The following ASIC5 variants were observed in gnomAD, a reference collection of about 807,000 sequenced individuals.
ASIC5 encodes acid sensing ion channel subunit family member 5.
In ASIC5, 52 loss-of-function variants were observed where a neutral mutation model predicts 51.2. That is an observed-to-expected ratio of 1.02 (90% CI 0.81 to 1.28). The LOEUF (loss-of-function observed/expected upper bound fraction) is 1.28, where lower values mean the gene tolerates loss of function less well. Ranked by LOEUF, ASIC5 falls within the 50% of genes most tolerant of loss-of-function variation. ASIC5 has a pLI of 0.00. For missense variants in ASIC5, 635 were observed against 595.0 expected, an observed-to-expected ratio of 1.07 and a Z score of -0.70; for synonymous variants, 231 against 200.7, an observed-to-expected ratio of 1.15 and a Z score of -1.28.
chr4:155,834,898 C>G (rs1323070305), intron 8 of ASIC5, among the ~76,000 whole-genome samples: 3 of 152,040 alleles, frequency 2.0e-5, no homozygotes, highest in Admixed American at 6.5e-5. Context: ...CCAAGGGGAG[C>G]TCGGCCGGGG....
At chr4:155,858,993 T>G (rs1269201630) in intron 2 of ASIC5, 2 of 152,024 alleles carry the variant, frequency 1.3e-5, no homozygotes, top group African/African-American at 4.8e-5. Flanking sequence ...CAGTACAACT[T>G]CATTTTACAG....
At chr4:155,855,949 C>T (rs1309015167) in intron 2 of ASIC5, among the ~76,000 whole-genome samples, 2 of 152,052 alleles carry the variant, frequency 1.3e-5, no homozygotes, top group East Asian at 3.9e-4. Context: ...GATTGAGATT[C>T]TGACACCTTT....
chr4:155,859,132 G>T (rs149626987), intron 2 of ASIC5, among the ~76,000 whole-genome samples: 1 of 151,944 alleles, frequency 6.6e-6, no homozygotes, highest in Non-Finnish European at 1.5e-5. Context: ...TGTGTGTGAC[G>T]CAGTTCCCAA....
intron 2 of ASIC5, among the ~76,000 whole-genome samples, chr4:155,862,170 T>G (rs923880559): frequency 2.0e-5 from 3 of 152,198 alleles, no homozygotes; most frequent in African/African-American, 7.2e-5. Context: ...ACATGCTACT[T>G]AAAACAGTAT....
intron 2 of ASIC5, among the ~76,000 whole-genome samples, chr4:155,861,455 A>G (rs1030831771): frequency 6.6e-6 from 1 of 152,016 alleles, no homozygotes; most frequent in South Asian, 2.1e-4. Context: ...GGTAACATAT[A>G]TTACTTTAAA....
At chr4:155,857,914 T>A (rs2110753345) in intron 2 of ASIC5, among the ~76,000 whole-genome samples, 1 of 152,242 alleles carries the variant, frequency 6.6e-6, no homozygotes, top group South Asian at 2.1e-4. Context: ...TGGTTAAAAA[T>A]GCTTGAGCAA....
chr4:155,836,952 T>C, intron 7 of ASIC5, 95 bp from the exon 8 acceptor site: 1 of 935,786 alleles, frequency 1.1e-6, no homozygotes, highest in East Asian at 2.6e-5. Context: ...CTTTCAATAT[T>C]AAAAAAAGGT....
intron 4 of ASIC5, among the ~76,000 whole-genome samples, chr4:155,844,972 A>G (rs181234919): frequency 9.9e-4 from 151 of 152,180 alleles, no homozygotes; most frequent in Non-Finnish European, 1.7e-3. Flanking sequence ...AGCCCTGAAA[A>G]GCTAAGTCTG....
intron 4 of ASIC5, among the ~76,000 whole-genome samples, chr4:155,847,492 A>C (rs577756797): frequency 1.3e-5 from 2 of 152,142 alleles, no homozygotes; most frequent in East Asian, 1.9e-4. Flanking sequence ...GAGGCTGAGC[A>C]GGTGGATCAC....
intron 2 of ASIC5, among the ~76,000 whole-genome samples, chr4:155,859,752 C>A (rs998492922): frequency 2.6e-5 from 4 of 151,988 alleles, no homozygotes; most frequent in Non-Finnish European, 4.4e-5. Flanking sequence ...ATGTTTCCAT[C>A]CTCTTTTTAC....
chr4:155,836,582 C>T (rs2111228760), intron 8 of ASIC5, 107 bp downstream of exon 8: 1 of 650,008 alleles, frequency 1.5e-6, no homozygotes, highest in South Asian at 2.9e-5. Flanking sequence ...AAAGCCATTG[C>T]CTCCCTTGAT....
intron 9 of ASIC5, among the ~76,000 whole-genome samples, chr4:155,831,306 C>T (rs1041395692): frequency 6.6e-6 from 1 of 152,070 alleles, no homozygotes; most frequent in Non-Finnish European, 1.5e-5. Context: ...TGAAACACCA[C>T]CAGCCTTTTC....
At chr4:155,847,454 A>T (rs569329306) in intron 4 of ASIC5, among the ~76,000 whole-genome samples, 9 of 152,014 alleles carry the variant, frequency 5.9e-5, no homozygotes, top group Non-Finnish European at 1.3e-4. Context: ...AGGCACAGGA[A>T]TTCACACCTG....
At chr4:155,861,051 T>A (rs1741690602) in intron 2 of ASIC5, among the ~76,000 whole-genome samples, 1 of 151,988 alleles carries the variant, frequency 6.6e-6, no homozygotes, top group African/African-American at 2.4e-5. Flanking sequence ...TTTACATATT[T>A]GTGAATATCC....
intron 2 of ASIC5, among the ~76,000 whole-genome samples, chr4:155,861,446 G>A (rs1247312411): frequency 1.3e-5 from 2 of 151,822 alleles, no homozygotes; most frequent in East Asian, 3.9e-4. Context: ...TTTATATCAG[G>A]TAACATATAT....
Position 155,831,910 on chromosome 4 carries a change from T to A in ASIC5, c.1241A>T (p.Asn414Ile). The A allele has an allele frequency of 6.5e-7, 1 of 1,540,046 alleles. No individual in the cohort carries two copies. Among genetic ancestry groups the A allele is most frequent in the Non-Finnish European group, 9.0e-7 (1 of 1,115,792 alleles). The change falls in exon 9 of 10, where the codon AAT becomes ATT. Residue 414 changes from asparagine (N) to isoleucine (I), a missense_variant. Transcript: ENST00000537611. ...LNQSRKYIRE[N>I]LVKIEINYSD... ...ATAGTTAATTTCAATTTTTACAAGA[T>A]TCTCCCTAGGGATAAAAAAGAGAGT...
chr4:155,838,510 G>A, intron 7 of ASIC5, among the ~76,000 whole-genome samples: 1 of 152,164 alleles, frequency 6.6e-6, no homozygotes, highest in South Asian at 2.1e-4. Context: ...CTATTCTGTA[G>A]TATTTTAACT....
Position 155,851,197 on chromosome 4 carries a change from G to A in ASIC5, c.711+994C>T, listed in dbSNP as rs77423883. ...TGTAAAAATTGATAATATAATGTTCGAACTGACCATAGGGCTAATATTTGA... is the reference window on the plus strand; with the variant it reads ...TGTAAAAATTGATAATATAATGTTCAAACTGACCATAGGGCTAATATTTGA... On this transcript the variant is annotated intron_variant, in intron 4 of 9. Coordinates refer to ENST00000537611, the MANE Select transcript of ASIC5 (RefSeq NM_017419.3). Among the ~76,000 whole-genome samples the A allele has an allele frequency of 1.7e-3, 263 of 151,960 alleles. 2 individuals are homozygous for A. The highest frequency in any genetic ancestry group is 6.1e-3 in the African/African-American group (252 of 41,478).
rs139032666 is a variant in ASIC5, at chr4:155,854,531, C to G, written c.348-217G>C. ...TGTAGTTTCATTTACCTAGAATATT[C>G]CCCAGACCTTGATCTGGATGACACC... is the stretch of plus-strand genomic sequence containing the variant. On this transcript the variant is annotated intron_variant, in intron 2 of 9. Transcript: ENST00000537611. 1.6e-3 allele frequency among the ~76,000 whole-genome samples: 240 copies of G among 152,150 alleles called. 1 individual carries two copies. Among genetic ancestry groups the G allele is most frequent in the African/African-American group, 4.5e-3 (188 of 41,540 alleles).
Sources: gnomAD v4.1 joint callset for allele counts (sites outside exome capture counted in the v4.1 genomes callset) on GRCh38, gnomAD v4.1.1 for gene constraint, MANE v1.5 for transcripts, NCBI Gene and HGNC (gene_info 2026-07-23, HGNC 2026-07-21) for gene names.